The following RELB variants were observed in gnomAD, a reference collection of about 807,000 sequenced individuals.
RELB encodes RELB proto-oncogene, NF-kB subunit.
RELB carries 14 observed loss-of-function variants against 55.4 expected under a neutral mutation model. The ratio of observed to expected loss-of-function variants is 0.25; its 90% CI spans 0.17 to 0.40. The LOEUF is 0.40. Among genes scored for constraint, RELB ranks in the 10% least tolerant of loss-of-function variants. The probability of loss-of-function intolerance (pLI) is 1.00; values close to 1 mark genes in which losing one functional copy is unlikely to be tolerated. For synonymous variants in RELB, 409 were observed against 371.3 expected, an observed-to-expected ratio of 1.10 and a Z score of -1.17; for missense variants, 669 against 830.7, an observed-to-expected ratio of 0.81 and a Z score of 2.39.
intron 5 of RELB, among the ~76,000 whole-genome samples, chr19:45,022,691 G>A (rs759444831): frequency 2.0e-5 from 3 of 151,788 alleles, no homozygotes; most frequent in Non-Finnish European, 4.4e-5. Context: ...GAGATTACAG[G>A]CATGCGACAC....
chr19:45,012,744 A>G (rs34653400), intron 4 of RELB, among the ~76,000 whole-genome samples: 8,544 of 121,672 alleles, frequency 0.07, 354 homozygotes, highest in Non-Finnish European at 0.11. Context: ...CTCAAAAAAA[A>G]AGAAAAAAAA....
At chr19:45,030,145 C>T (rs994263686) in intron 8 of RELB, among the ~76,000 whole-genome samples, 13 of 151,104 alleles carry the variant, frequency 8.6e-5, no homozygotes, top group Middle Eastern at 3.4e-3. Flanking sequence ...CCAGCCAGGG[C>T]GACAGAGACA....
intron 11 of RELB, 56 bp downstream of exon 11, chr19:45,034,584 C>T: frequency 6.7e-7 from 1 of 1,484,482 alleles, no homozygotes; most frequent in Non-Finnish European, 9.2e-7. Flanking sequence ...GGGTAAGTGG[C>T]AGCCCTGCTT....
chr19:45,004,165 G>A (rs1294284889), intron 2 of RELB, among the ~76,000 whole-genome samples: 11 of 148,052 alleles, frequency 7.4e-5, no homozygotes, highest in Non-Finnish European at 1.3e-4. Context: ...TAATCCGCCC[G>A]CCTCAGCCTC....
intron 11 of RELB, among the ~76,000 whole-genome samples, chr19:45,036,144 C>T (rs1386700253): frequency 2.6e-5 from 4 of 151,964 alleles, no homozygotes; most frequent in African/African-American, 7.3e-5. Context: ...ACAATCTCAG[C>T]TCACTGCAAT....
Position 45,037,346 on chromosome 19 carries a change from G to A in RELB, c.1355-59G>A, listed in dbSNP as rs1377165261. ...GCAGGGAGTAGGGCATTTGATTTAG[G>A]GCCTGATCAGAAGTTAGCCCTAAAT... On this transcript the variant is annotated intron_variant, in intron 11 of 11. Transcript: ENST00000221452. 5.4e-6 allele frequency: 8 copies of A among 1,469,866 alleles called. No homozygotes were observed. In the Admixed American group the frequency reaches 7.3e-5, roughly 13 times the overall value. The allele number at this position is 1,469,866 out of a possible 1,614,324, so 91.1% of individuals were successfully genotyped here. A position where few individuals can be genotyped will look rare whatever the true frequency, so the allele number is the denominator to read the frequency against.
In RELB at chr19:45,025,432, C is replaced by T. The variant is rs1299257772; in HGVS notation, c.754+12C>T. On this transcript the variant is annotated intron_variant, in intron 6 of 11. Transcript: ENST00000221452. ...TGACCCCTACAACGGTGAGCACCCC[C>T]TGCCTGACCTGACCATCCCGTCCTC... The T allele has an allele frequency of 2.5e-6, 4 of 1,605,666 alleles. No homozygotes were observed. The highest frequency in any genetic ancestry group is 3.4e-6 in the Non-Finnish European group (4 of 1,175,200).
intron 2 of RELB, 150 bp downstream of exon 2, chr19:45,003,146 C>A: frequency 1.3e-6 from 1 of 758,312 alleles, no homozygotes; most frequent in Non-Finnish European, 2.1e-6. Context: ...GAGATGGGCC[C>A]CCTAGGTTTT....
At chr19:45,013,607 C>A (rs189803842) in intron 4 of RELB, among the ~76,000 whole-genome samples, 314 of 151,824 alleles carry the variant, frequency 2.1e-3, no homozygotes, top group African/African-American at 6.9e-3. Context: ...CCGAGGCAGG[C>A]GGATCACCTG....
intron 4 of RELB, among the ~76,000 whole-genome samples, chr19:45,016,107 C>G (rs1314652384): frequency 2.0e-5 from 3 of 152,008 alleles, no homozygotes; most frequent in Non-Finnish European, 4.4e-5. Context: ...GCCTCAGCCT[C>G]CCGGGTAGCT....
At chr19:45,016,995 G>T (rs544592167) in intron 4 of RELB, among the ~76,000 whole-genome samples, 23 of 152,124 alleles carry the variant, frequency 1.5e-4, no homozygotes, top group Non-Finnish European at 3.2e-4. Flanking sequence ...ATGGCTGTGC[G>T]GGACTGTCCC....
intron 8 of RELB, among the ~76,000 whole-genome samples, chr19:45,032,031 A>T (rs1365608696): frequency 6.6e-6 from 1 of 151,120 alleles, no homozygotes; most frequent in Non-Finnish European, 1.5e-5. Context: ...AGGTCAGGAG[A>T]GCGAGACCAT....
At chr19:45,025,795 C>T in intron 7 of RELB, 58 bp downstream of exon 7, 2 of 1,607,222 alleles carry the variant, frequency 1.2e-6, no homozygotes. Flanking sequence ...GTCAGAATGT[C>T]CCGCTTACAG....
At chr19:45,024,636 A>G (rs1600077222) in intron 5 of RELB, among the ~76,000 whole-genome samples, 1 of 145,750 alleles carries the variant, frequency 6.9e-6, no homozygotes, top group African/African-American at 2.6e-5. Flanking sequence ...TGCAACCTCT[A>G]CCTCCCGGGC....
chr19:45,038,026 A>T lies in RELB; in HGVS notation c.*236A>T, dbSNP rs1289531288. The stretch of plus-strand genomic sequence containing the variant: ...CATGGCTCCCGTGCACTAGCTTGTT[A>T]CAGCTGCCTCTGTCCCCACATGTGG... On this transcript the variant is annotated 3_prime_UTR_variant, in exon 12 of 12. Coordinates refer to ENST00000221452, the MANE Select transcript of RELB (RefSeq NM_006509.4). The T allele has an allele frequency of 2.4e-6, 1 of 415,704 alleles. No homozygotes were observed. The highest frequency in any genetic ancestry group is 4.2e-6 in the Non-Finnish European group (1 of 236,600). The allele number at this position is 415,704 out of a possible 1,614,324, so 25.8% of individuals were successfully genotyped here. A position where few individuals can be genotyped will look rare whatever the true frequency, so the allele number is the denominator to read the frequency against.
At chr19:45,027,564 T>C (rs1971573411) in intron 7 of RELB, among the ~76,000 whole-genome samples, 1 of 152,178 alleles carries the variant, frequency 6.6e-6, no homozygotes, top group South Asian at 2.1e-4. Context: ...TTGCTCCTTT[T>C]TGACAAATCA....
chr19:45,029,908 G>A (rs557934610), intron 8 of RELB, among the ~76,000 whole-genome samples: 3 of 151,942 alleles, frequency 2.0e-5, no homozygotes, highest in African/African-American at 7.2e-5. Context: ...GCTCATGCCT[G>A]TAATCCTAGC....
At chr19:45,010,472 A>G (rs1021023699) in intron 3 of RELB, among the ~76,000 whole-genome samples, 1 of 151,658 alleles carries the variant, frequency 6.6e-6, no homozygotes, top group African/African-American at 2.4e-5. Flanking sequence ...AAATGAACAG[A>G]TGAGCAAGAT....
chr19:45,003,736 T>C (rs1413030472), intron 2 of RELB, among the ~76,000 whole-genome samples: 1 of 151,450 alleles, frequency 6.6e-6, no homozygotes, highest in African/African-American at 2.4e-5. Flanking sequence ...AAATTGAGAG[T>C]ATTCAATGAA....
Sources: allele counts gnomAD v4.1 joint callset (sites outside exome capture counted in the v4.1 genomes callset), GRCh38; gene constraint gnomAD v4.1.1; transcripts MANE v1.5; gene names NCBI Gene and HGNC (gene_info 2026-07-23, HGNC 2026-07-21).